RREB1: variants seen among roughly 807,000 people sequenced by gnomAD.
RREB1 encodes ras-responsive element-binding protein 1.
RREB1 carries 27 observed loss-of-function variants against 117.8 expected under a neutral mutation model. That is an observed-to-expected ratio of 0.23 (90% CI 0.17 to 0.32). The LOEUF is 0.32. Among genes scored for constraint, RREB1 ranks in the 10% least tolerant of loss-of-function variants. The pLI is 1.00. For synonymous variants in RREB1, 1,298 were observed against 1,026.7 expected (o/e 1.26, Z -5.05); for missense variants, 2,577 against 2,378.2 (o/e 1.08, Z -1.74).
chr6:7,247,301 CGCTG>C, intron 12 of RREB1, 80 bp downstream of exon 12: 5 of 1,283,386 alleles, frequency 3.9e-6, no homozygotes, highest in Non-Finnish European at 2.1e-6. Context: ...CCTGAAGCGG[CGCTG>C]GAGGCCACCG....
chr6:7,176,646 T>C lies in RREB1; in HGVS notation c.-284-9T>C, dbSNP rs369517520. 1.1e-4 allele frequency: 17 copies of C among 152,946 alleles called. No homozygotes were observed. Among genetic ancestry groups the C allele is most frequent in the African/African-American group, 4.1e-4 (17 of 41,546 alleles). The allele number at this position is 152,946 out of a possible 1,614,324, so 9.5% of individuals were successfully genotyped here. A position where few individuals can be genotyped will look rare whatever the true frequency, so the allele number is the denominator to read the frequency against. On this transcript the variant is annotated splice_polypyrimidine_tract_variant and intron_variant, in intron 1 of 12. Transcript: ENST00000379938. ...CCTCTTTTAACATCACCTTTTCTTA[T>C]TTTTGTAGGTTGCTCCGACTGTGTG... is the stretch of plus-strand genomic sequence containing the variant.
chr6:7,150,314 T>G (rs1763060677), intron 1 of RREB1, among the ~76,000 whole-genome samples: 1 of 152,222 alleles, frequency 6.6e-6, no homozygotes, highest in African/African-American at 2.4e-5. Flanking sequence ...TACTACTGAA[T>G]TTAAGTCTTC....
chr6:7,188,061 T>C (rs1765177698), intron 5 of RREB1, among the ~76,000 whole-genome samples: 1 of 152,094 alleles, frequency 6.6e-6, no homozygotes, highest in Non-Finnish European at 1.5e-5. Flanking sequence ...CCCAGTTACT[T>C]GGGAGGCTGA....
intron 6 of RREB1, among the ~76,000 whole-genome samples, chr6:7,208,787 CTTGGGCCACA>C (rs1176560350): frequency 2.6e-5 from 4 of 152,362 alleles, no homozygotes; most frequent in Non-Finnish European, 5.9e-5. Context: ...ACTGTGCCAC[CTTGGGCCACA>C]GTCCACCAGA....
Position 7,249,063 on chromosome 6 carries a change from GA to G in RREB1, c.*96del, listed in dbSNP as rs1769287937. The G allele has an allele frequency of 1.4e-3, 3 of 2,216 alleles. No homozygotes were observed. Among genetic ancestry groups the G allele is most frequent in the Admixed American group, 7.6e-3 (2 of 262 alleles). 0.1% of individuals were successfully genotyped at this position (2,216 alleles called of 1,614,324 possible). On this transcript the variant is annotated 3_prime_UTR_variant, in exon 13 of 13. Transcript: ENST00000379938. ...CAGTGCCCTTTGGCTGTTGAGGAGT[GA>G]GAGAGAGAGAGAGAGAGAGAGAGAG...
chr6:7,220,132 C>G (rs1767156523), intron 8 of RREB1, among the ~76,000 whole-genome samples: 1 of 152,206 alleles, frequency 6.6e-6, no homozygotes, highest in Non-Finnish European at 1.5e-5. Context: ...AGTTCAGCGA[C>G]TGGCGTGTCA....
chr6:7,160,710 C>T (rs371985053), intron 1 of RREB1, among the ~76,000 whole-genome samples: 4 of 149,876 alleles, frequency 2.7e-5, no homozygotes, highest in African/African-American at 4.9e-5. Flanking sequence ...CTTTTTGAGA[C>T]GGAGTCTCAT....
rs1209055312 is a variant in RREB1, at chr6:7,112,376, C to CGTCTTAT, written c.-285+4316_-285+4317insGTCTTAT. ...TGCTTCAAGGTTAATTTCTGTACAT[C>CGTCTTAT]TGACCTATTGAACAGGCAGTGTTGA... On this transcript the variant is annotated intron_variant, in intron 1 of 12. Coordinates refer to ENST00000379938, the MANE Select transcript of RREB1 (RefSeq NM_001003699.4). Among the ~76,000 whole-genome samples, 53 of 152,310 alleles carry CGTCTTAT rather than the reference C, an allele frequency of 3.5e-4. 1 individual carries two copies. Among genetic ancestry groups the CGTCTTAT allele is most frequent in the African/African-American group, 1.2e-3 (50 of 41,566 alleles).
At chr6:7,226,773 TC>T (rs1229932601) in intron 9 of RREB1, 117 bp downstream of exon 9, 1 of 807,602 alleles carries the variant, frequency 1.2e-6, no homozygotes, top group Non-Finnish European at 2.0e-6. Flanking sequence ...TTGGGCTTTG[TC>T]TTTTTTTGTA....
At chr6:7,182,232 T>A in intron 4 of RREB1, 150 bp downstream of exon 4, 1 of 647,902 alleles carries the variant, frequency 1.5e-6, no homozygotes, top group South Asian at 2.3e-5. Flanking sequence ...AAGGGCAAAA[T>A]TTTTATGGCT....
intron 1 of RREB1, among the ~76,000 whole-genome samples, chr6:7,110,626 GT>G (rs1761096507): frequency 6.6e-6 from 1 of 152,138 alleles, no homozygotes. Flanking sequence ...AGTTTTAAAT[GT>G]GTTAAAAAAA....
intron 1 of RREB1, among the ~76,000 whole-genome samples, chr6:7,110,178 A>G (rs756423112): frequency 2.6e-5 from 4 of 152,156 alleles, no homozygotes; most frequent in Non-Finnish European, 5.9e-5. Flanking sequence ...GTTTAATTGA[A>G]GTGGAAGGTG....
At chr6:7,131,250 A>G (rs538987746) in intron 1 of RREB1, among the ~76,000 whole-genome samples, 40 of 152,210 alleles carry the variant, frequency 2.6e-4, no homozygotes, top group African/African-American at 8.2e-4. Flanking sequence ...AGAAGCAAAT[A>G]TGTACCATCG....
chr6:7,156,041 C>A (rs570995133), intron 1 of RREB1, among the ~76,000 whole-genome samples: 1 of 152,338 alleles, frequency 6.6e-6, no homozygotes, highest in South Asian at 2.1e-4. Flanking sequence ...GTATAACTCA[C>A]AAAGTAACAT....
At chr6:7,135,785 A>G (rs1353691415) in intron 1 of RREB1, among the ~76,000 whole-genome samples, 4 of 152,206 alleles carry the variant, frequency 2.6e-5, no homozygotes, top group East Asian at 1.9e-4. Context: ...AGCCCTTTCA[A>G]GTTGCTCTAG....
At position 7,193,131 on chromosome 6, in the gene RREB1, C is replaced by T. The variant is rs113653918; in HGVS notation, c.425+3809C>T. On this transcript the variant is annotated intron_variant, in intron 6 of 12. Coordinates refer to ENST00000379938, the MANE Select transcript of RREB1 (RefSeq NM_001003699.4). ...ATTTCTAGTTTCATTCCATTATGGT[C>T]GGGGAAATTCATTCTATTAATTTGT... Among the ~76,000 whole-genome samples the T allele has an allele frequency of 2.0e-4, 30 of 152,252 alleles. 2 individuals are homozygous for T. The highest frequency in any genetic ancestry group is 5.8e-4 in the African/African-American group (24 of 41,560).
intron 1 of RREB1, among the ~76,000 whole-genome samples, chr6:7,109,094 G>T (rs893296000): frequency 6.6e-6 from 1 of 151,868 alleles, no homozygotes; most frequent in Non-Finnish European, 1.5e-5. Flanking sequence ...GGCGGGGCCG[G>T]CCGCCGGGGC....
At chr6:7,210,670 C>T (rs967296951) in intron 6 of RREB1, 134 bp from the exon 7 acceptor site, 78 of 655,776 alleles carry the variant, frequency 1.2e-4, no homozygotes, top group South Asian at 9.0e-4. Context: ...AGATAGAAGT[C>T]ACTGTATAAA....
chr6:7,247,032 G>C lies in RREB1; in HGVS notation c.4582G>C (p.Gly1528Arg). Residue 1528 changes from glycine to arginine, a missense_variant, in exon 12 of 13, where the codon GGC (glycine) becomes CGC (arginine). Physicochemically the swap from Gly to Arg is moderately radical, Grantham distance 125. Transcript: ENST00000379938. ...PAEKLAEETEGPSDGESAAEK... is the reference protein window; with the variant it reads ...PAEKLAEETERPSDGESAAEK... ...GGAAAAGCTCGCGGAGGAGACGGAG[G>C]GCCCCTCCGACGGGGAGAGCGCGGC... 1 of 1,612,106 alleles carries C rather than the reference G, an allele frequency of 6.2e-7. No individual in the cohort carries two copies. The highest frequency in any genetic ancestry group is 8.5e-7 in the Non-Finnish European group (1 of 1,179,102).
Sources: gnomAD v4.1 joint callset for allele counts (sites outside exome capture counted in the v4.1 genomes callset) on GRCh38, gnomAD v4.1.1 for gene constraint, MANE v1.5 for transcripts, NCBI Gene and HGNC (gene_info 2026-07-23, HGNC 2026-07-21) for gene names.